RAB3GAP2: variants seen among roughly 807,000 people sequenced by gnomAD.
RAB3GAP2 encodes the protein RAB3 GTPase activating non-catalytic protein subunit 2.
RAB3GAP2 carries 87 observed loss-of-function variants against 185.3 expected under a neutral mutation model. The ratio of observed to expected loss-of-function variants is 0.47; its 90% CI spans 0.39 to 0.56. The LOEUF (loss-of-function observed/expected upper bound fraction) is 0.56, where lower values mean the gene tolerates loss of function less well. RAB3GAP2 is among the 20% of genes least tolerant of loss of function. RAB3GAP2 has a pLI of 0.00. For synonymous variants in RAB3GAP2, 554 were observed against 576.1 expected, an observed-to-expected ratio of 0.96 and a Z score of 0.55; for missense variants, 1,492 against 1,638.2, an observed-to-expected ratio of 0.91 and a Z score of 1.54.
At chr1:220,178,149 G>T (rs1164134158) in intron 21 of RAB3GAP2, among the ~76,000 whole-genome samples, 3 of 152,154 alleles carry the variant, frequency 2.0e-5, no homozygotes, top group African/African-American at 7.2e-5. Flanking sequence ...TATGTTCAGA[G>T]TGTTAAAGGA....
chr1:220,189,202 T>C (rs1417677348), intron 17 of RAB3GAP2, among the ~76,000 whole-genome samples: 2 of 151,582 alleles, frequency 1.3e-5, no homozygotes, highest in Non-Finnish European at 2.9e-5. Context: ...ATATAATATA[T>C]ATAATGTAGG....
Position 220,182,741 on chromosome 1 carries a change from C to T in RAB3GAP2, c.2189G>A (p.Ser730Asn), listed in dbSNP as rs755742013. The T allele has an allele frequency of 2.5e-6, 4 of 1,605,646 alleles. No homozygotes were observed. The South Asian group carries it at 3.3e-5, about 13-fold the overall frequency. The change falls in exon 20 of 35, where the codon AGT (serine) becomes AAT (asparagine). Residue 730 changes from serine (S) to asparagine (N), a missense_variant. Coordinates refer to ENST00000358951, the MANE Select transcript of RAB3GAP2 (RefSeq NM_012414.4). Reference sequence around the variant, plus strand: ...ACCTAAAGCCACATATTCCTCTTCACTTATTTTCTTTATGTTGAGCACATC... The same window carrying T: ...ACCTAAAGCCACATATTCCTCTTCATTTATTTTCTTTATGTTGAGCACATC... ...EKDVLNIKKI[S>N]EEEYVALGSF...
In RAB3GAP2 at chr1:220,182,335, C is replaced by CT. The variant is rs767968819; in HGVS notation, c.2231dup (p.Cys745ValfsTer9). 6.2e-7 allele frequency: 1 copy of CT among 1,614,010 alleles called. No homozygotes were observed. The highest frequency in any genetic ancestry group is 8.5e-7 in the Non-Finnish European group (1 of 1,179,956). On this transcript the variant is annotated frameshift_variant, in exon 21 of 35. Coordinates refer to ENST00000358951, the MANE Select transcript of RAB3GAP2 (RefSeq NM_012414.4). LOFTEE classifies it high-confidence loss of function. ...CAGTGGAGCTTTCTCCATGCAAACA[C>CT]TTCCAAAAAAAGAAACTACCTGGTA...
intron 9 of RAB3GAP2, among the ~76,000 whole-genome samples, chr1:220,200,282 TC>T (rs887387808): frequency 3.3e-4 from 50 of 152,292 alleles, no homozygotes; most frequent in African/African-American, 1.1e-3. Flanking sequence ...GAGAGGCCTT[TC>T]CTCACTAGTC....
intron 17 of RAB3GAP2, among the ~76,000 whole-genome samples, chr1:220,187,431 C>A (rs113061452): frequency 6.6e-6 from 1 of 152,084 alleles, no homozygotes; most frequent in South Asian, 2.1e-4. Context: ...TCTAATGAGG[C>A]CACTCATGGC....
At chr1:220,186,109 T>G (rs143640227) in intron 17 of RAB3GAP2, among the ~76,000 whole-genome samples, 1 of 152,296 alleles carries the variant, frequency 6.6e-6, no homozygotes, top group East Asian at 1.9e-4. Flanking sequence ...GTTATTGTCA[T>G]GTCAATAACA....
chr1:220,158,028 T>G lies in RAB3GAP2; in HGVS notation c.3262-152A>C. 8 of 686,592 alleles carry G rather than the reference T, an allele frequency of 1.2e-5. No homozygotes were observed. Among genetic ancestry groups the G allele is most frequent in the Non-Finnish European group, 2.6e-6 (1 of 382,200 alleles). 42.5% of individuals were successfully genotyped at this position (686,592 alleles called of 1,614,324 possible). ...ATTTGAAAGTCAAGGCATTAGCATA[T>G]TTAAGTTCCTTCTTTTAGATTTACT... On this transcript the variant is annotated intron_variant, in intron 29 of 34. Coordinates refer to ENST00000358951, the MANE Select transcript of RAB3GAP2 (RefSeq NM_012414.4). This position sits in a 1 kb window ranked among gnomAD's most constrained non-coding sequence, Gnocchi z 4.3.
chr1:220,184,081 T>C lies in RAB3GAP2; in HGVS notation c.1953A>G (p.Gln651=), dbSNP rs1658466396. ...CTAAATGAAAATCAAGGGAATTTAA[T>C]TGACTGACAGACTCATAGAGTTGCA... is the stretch of plus-strand genomic sequence containing the variant. ...KLLQLYESVS[Q]LNSLDFHLDT... is the part of the protein sequence containing the mutation. The change falls in exon 19 of 35, where the codon CAA becomes CAG. Residue 651 remains glutamine (Q), a synonymous_variant. Transcript: ENST00000358951. 3 of 1,600,002 alleles carry C rather than the reference T, an allele frequency of 1.9e-6. No individual in the cohort carries two copies. The highest frequency in any genetic ancestry group is 4.5e-5 in the East Asian group (2 of 44,658).
chr1:220,223,414 A>G (rs1023994280), intron 2 of RAB3GAP2, among the ~76,000 whole-genome samples: 1 of 152,080 alleles, frequency 6.6e-6, no homozygotes, highest in African/African-American at 2.4e-5. Context: ...TGGAGTTTAG[A>G]AAAAAAATAA....
chr1:220,193,381 T>C lies in RAB3GAP2; in HGVS notation c.1131-2A>G, dbSNP rs1313457086. On this transcript the variant is annotated splice_acceptor_variant, in intron 12 of 34. Transcript: ENST00000358951. LOFTEE classifies it high-confidence loss of function. ...CGTCTAGAATCTGGAAGTCCAAATC[T>C]GATATTTAAAAGAAAATAAAATGCT... 2 of 1,613,284 alleles carry C rather than the reference T, an allele frequency of 1.2e-6. No individual in the cohort carries two copies. The highest frequency in any genetic ancestry group is 1.7e-5 in the Admixed American group (1 of 59,970).
intron 1 of RAB3GAP2, chr1:220,271,130 G>C (rs1660325714): frequency 6.6e-6 from 1 of 152,206 alleles, no homozygotes; most frequent in Non-Finnish European, 1.5e-5. Flanking sequence ...CTGTAAACCA[G>C]AAGTTCCTAC....
chr1:220,171,065 G>T lies in RAB3GAP2; in HGVS notation c.2633C>A (p.Ala878Glu), dbSNP rs1292518657. ...CCAGTACTCAGTGTCAAGAGAAAGT[G>T]CCTCCCAGGAATCAGTGAGGGCCTC... ...DSEALTDSWE[A>E]LSLDTEYWKL... Residue 878 changes from alanine (A) to glutamate (E), a missense_variant, in exon 24 of 35, where the codon GCA becomes GAA. Around this residue, in one of 5 missense-constraint regions of RAB3GAP2, gnomAD observed 681 missense variants for 689.1 expected, o/e 0.99. Transcript: ENST00000358951. 6.2e-7 allele frequency: 1 copy of T among 1,614,144 alleles called. No individual in the cohort carries two copies. Among genetic ancestry groups the T allele is most frequent in the East Asian group, 2.2e-5 (1 of 44,870 alleles).
chr1:220,251,433 A>G (rs1217599833), intron 1 of RAB3GAP2, among the ~76,000 whole-genome samples: 1 of 152,246 alleles, frequency 6.6e-6, no homozygotes, highest in Non-Finnish European at 1.5e-5. Flanking sequence ...CTTTTGTAAA[A>G]CAATAGAAAA....
At chr1:220,197,102 T>C (rs1658743378) in intron 9 of RAB3GAP2, among the ~76,000 whole-genome samples, 1 of 151,736 alleles carries the variant, frequency 6.6e-6, no homozygotes, top group Non-Finnish European at 1.5e-5. Context: ...TTCTCTTGCC[T>C]CAGCCTCCCC....
intron 28 of RAB3GAP2, 146 bp from the exon 29 acceptor site, chr1:220,159,567 C>T (rs934659160): frequency 1.6e-6 from 1 of 637,474 alleles, no homozygotes; most frequent in East Asian, 2.8e-5. Flanking sequence ...TAGCTGTTGG[C>T]TCTACCAACA....
intron 12 of RAB3GAP2, among the ~76,000 whole-genome samples, chr1:220,194,342 G>C (rs900380586): frequency 1.7e-4 from 26 of 150,806 alleles, no homozygotes; most frequent in Admixed American, 9.2e-4. Flanking sequence ...AAACAAGGAA[G>C]CACAGGACAG....
chr1:220,175,004 C>G (rs920987170), intron 21 of RAB3GAP2, among the ~76,000 whole-genome samples: 2 of 152,180 alleles, frequency 1.3e-5, no homozygotes, highest in African/African-American at 2.4e-5. Flanking sequence ...GTTGCCTATA[C>G]AGTTAACAAA....
intron 2 of RAB3GAP2, among the ~76,000 whole-genome samples, chr1:220,214,945 ATTATATAT>A (rs1247894114): frequency 5.7e-5 from 1 of 17,578 alleles, no homozygotes; most frequent in Non-Finnish European, 9.6e-5. Context: ...GAATAGTAGC[ATTATATAT>A]ATATATATAT....
At chr1:220,183,979 A>G in intron 19 of RAB3GAP2, 57 bp downstream of exon 19, 1 of 1,352,398 alleles carries the variant, frequency 7.4e-7, no homozygotes, top group Non-Finnish European at 1.0e-6. Flanking sequence ...CTAATTTTAA[A>G]AAGTAAAACT....
Sources: allele counts gnomAD v4.1 joint callset (sites outside exome capture counted in the v4.1 genomes callset), GRCh38; gene constraint gnomAD v4.1.1; regional missense constraint gnomAD v4.1.1; non-coding constraint Gnocchi (gnomAD v3.1); transcripts MANE v1.5; gene names NCBI Gene and HGNC (gene_info 2026-07-23, HGNC 2026-07-21).